COL4A4: variants seen among roughly 807,000 people sequenced by gnomAD.
COL4A4 encodes the protein collagen type IV alpha 4 chain, also known as collagen alpha-4(IV) chain.
COL4A4 carries 105 observed loss-of-function variants against 192.9 expected under a neutral mutation model. The ratio of observed to expected loss-of-function variants is 0.54; its 90% CI spans 0.46 to 0.64. The LOEUF (loss-of-function observed/expected upper bound fraction) is 0.64. COL4A4 is among the 30% of genes least tolerant of loss of function. The pLI is 0.00. For synonymous variants in COL4A4, 762 were observed against 769.9 expected, an observed-to-expected ratio of 0.99 and a Z score of 0.17; for missense variants, 1,967 against 2,169.3, an observed-to-expected ratio of 0.91 and a Z score of 1.85.
In COL4A4 at chr2:227,108,624, TGAGA is replaced by T; in HGVS notation, c.694-6_694-3del. The T allele has an allele frequency of 6.2e-7, 1 of 1,614,012 alleles. No individual in the cohort carries two copies. The highest frequency in any genetic ancestry group is 8.5e-7 in the Non-Finnish European group (1 of 1,179,904). On this transcript the variant is annotated splice_region_variant and splice_polypyrimidine_tract_variant and intron_variant, in intron 11 of 47. Transcript: ENST00000396625. ...CTTTACTCCCACACCGGGATTTCCC[TGAGA>T]AAGAAATGAAAAAGAATCTAATTGC... is the stretch of plus-strand genomic sequence containing the variant.
chr2:227,066,858 A>C (rs566522009), intron 25 of COL4A4, among the ~76,000 whole-genome samples: 2 of 152,148 alleles, frequency 1.3e-5, no homozygotes. Flanking sequence ...TCAAATTCAA[A>C]CATAACAATA....
chr2:227,104,667 T>C (rs559448377), intron 12 of COL4A4, among the ~76,000 whole-genome samples: 2 of 135,114 alleles, frequency 1.5e-5, no homozygotes, highest in East Asian at 4.2e-4. Context: ...TGAGATGGAG[T>C]TTCACTCTTG....
the COL4A4 span, among the ~76,000 whole-genome samples, chr2:226,980,175 A>G: frequency 6.6e-6 from 1 of 152,180 alleles, no homozygotes; most frequent in Non-Finnish European, 1.5e-5. Flanking sequence ...CTCAGAACAC[A>G]CCCATGAGCT....
At chr2:227,043,210 G>C (rs773698501) in intron 35 of COL4A4, 26 bp from the exon 36 acceptor site, 2 of 1,576,520 alleles carry the variant, frequency 1.3e-6, no homozygotes, top group African/African-American at 2.7e-5. Context: ...TCAAACATCA[G>C]AGTTGCCGTT....
At chr2:227,119,365 C>A (rs899549537) in intron 6 of COL4A4, among the ~76,000 whole-genome samples, 2 of 150,724 alleles carry the variant, frequency 1.3e-5, no homozygotes, top group African/African-American at 4.9e-5. Context: ...ATATACCATG[C>A]ACCATAACAT....
intron 4 of COL4A4, among the ~76,000 whole-genome samples, chr2:227,127,924 A>T (rs2062185091): frequency 6.6e-6 from 1 of 152,208 alleles, no homozygotes; most frequent in Non-Finnish European, 1.5e-5. Context: ...AATTATACAG[A>T]TTTTCCAAAT....
rs2060739279 is a variant in COL4A4 at position 227,104,849 on chromosome 2, C to A, written c.736-797G>T. Among the ~76,000 whole-genome samples, 4 of 151,476 alleles carry A rather than the reference C, an allele frequency of 2.6e-5. No individual in the cohort carries two copies. In the South Asian group the frequency reaches 6.2e-4, roughly 24 times the overall value. On this transcript the variant is annotated intron_variant, in intron 12 of 47. Transcript: ENST00000396625. ...GAGACGGGGGTTTCTCCATGTTGGT[C>A]AGGCTGGTCTCGAACTCCGGACCTC...
chr2:227,038,772 CTTAG>C (rs1207776372), intron 37 of COL4A4, among the ~76,000 whole-genome samples: 3 of 152,356 alleles, frequency 2.0e-5, no homozygotes, highest in Admixed American at 6.5e-5. Flanking sequence ...GTCCCCTTGA[CTTAG>C]TTAGAACATA....
chr2:227,070,612 C>T (rs978442925), intron 25 of COL4A4, among the ~76,000 whole-genome samples: 5 of 150,970 alleles, frequency 3.3e-5, no homozygotes, highest in African/African-American at 1.2e-4. Flanking sequence ...AGTAAACTAT[C>T]GCAAGAACAA....
rs148516411 is a variant in COL4A4, at chr2:227,041,705, A to G, written c.3505+443T>C. ...AAGAAAGACAGAGAGAGAGAGAGAGAAGGAAGGAAGGGAGGAGGAAGGAAG... is the reference window on the plus strand; with the variant it reads ...AAGAAAGACAGAGAGAGAGAGAGAGGAGGAAGGAAGGGAGGAGGAAGGAAG... On this transcript the variant is annotated intron_variant, in intron 37 of 47. Coordinates refer to ENST00000396625, the MANE Select transcript of COL4A4 (RefSeq NM_000092.5). Among the ~76,000 whole-genome samples, 701 of 130,888 alleles carry G rather than the reference A, an allele frequency of 5.4e-3. 21 individuals carry two copies. Among genetic ancestry groups the G allele is most frequent in the African/African-American group, 0.022 (664 of 30,440 alleles). 85.9% of individuals were successfully genotyped at this position (130,888 alleles called of 152,430 possible). A position where few individuals can be genotyped will look rare whatever the true frequency, so the allele number is the denominator to read the frequency against.
chr2:227,161,911 C>T (rs2064865776), intron 1 of COL4A4, among the ~76,000 whole-genome samples: 1 of 151,616 alleles, frequency 6.6e-6, no homozygotes, highest in Non-Finnish European at 1.5e-5. Flanking sequence ...CATTTCTCAT[C>T]AGGGCCACCT....
intron 26 of COL4A4, among the ~76,000 whole-genome samples, chr2:227,061,210 G>T (rs183987699): frequency 2.5e-4 from 38 of 152,256 alleles, no homozygotes; most frequent in Non-Finnish European, 4.9e-4. Context: ...ACCAGTAAAA[G>T]TAAAAATGAA....
intron 35 of COL4A4, among the ~76,000 whole-genome samples, chr2:227,046,120 T>A (rs1047565381): frequency 1.6e-5 from 2 of 128,062 alleles, no homozygotes; most frequent in Admixed American, 8.1e-5. Context: ...AATATATTTG[T>A]TCATGTCAGA....
intron 22 of COL4A4, among the ~76,000 whole-genome samples, chr2:227,088,356 T>C (rs904540167): frequency 9.2e-5 from 14 of 152,092 alleles, no homozygotes; most frequent in African/African-American, 7.2e-5. Flanking sequence ...TGGGGAGGGT[T>C]TCCCCCATGC....
chr2:227,081,307 GGAA>G (rs1203316619), intron 23 of COL4A4, among the ~76,000 whole-genome samples: 1 of 152,206 alleles, frequency 6.6e-6, no homozygotes, highest in African/African-American at 2.4e-5. Flanking sequence ...CAAAGCAGGT[GGAA>G]GAAGGTGGGA....
At chr2:227,023,009 C>CTGACTGTA (rs1305725363) in intron 43 of COL4A4, among the ~76,000 whole-genome samples, 5 of 152,172 alleles carry the variant, frequency 3.3e-5, no homozygotes, top group Non-Finnish European at 7.3e-5. Context: ...AGCTATAATT[C>CTGACTGTA]TGACTGTAGC....
intron 13 of COL4A4, among the ~76,000 whole-genome samples, 199 bp from the exon 14 acceptor site, chr2:227,103,396 T>C (rs1423366536): frequency 6.6e-6 from 1 of 152,202 alleles, no homozygotes; most frequent in East Asian, 1.9e-4. Flanking sequence ...GAGAGGTATA[T>C]GGGATACCAC....
rs967132805 is a variant in COL4A4, at chr2:227,006,069, A to C, written c.*1256T>G. ...ATAAGAATGTCTTTAAAATTGGCAA[A>C]ATGGGATGCTCCTGTAACAGCCAAC... On this transcript the variant is annotated 3_prime_UTR_variant, in exon 48 of 48. Coordinates refer to ENST00000396625, the MANE Select transcript of COL4A4 (RefSeq NM_000092.5). 2 of 152,646 alleles carry C rather than the reference A, an allele frequency of 1.3e-5. No homozygotes were observed. Among genetic ancestry groups the C allele is most frequent in the African/African-American group, 4.8e-5 (2 of 41,452 alleles). 9.5% of individuals were successfully genotyped at this position (152,646 alleles called of 1,614,324 possible). A position where few individuals can be genotyped will look rare whatever the true frequency, so the allele number is the denominator to read the frequency against.
At position 227,123,672 on chromosome 2, in the gene COL4A4, G is replaced by A. The variant is rs2125069088; in HGVS notation, c.193-2524C>T. ...GAGTGCCTGCCAACTGTGCCTCCGG[G>A]GCTTTGGATAAAGCCCTGACAGACA... On this transcript the variant is annotated intron_variant, in intron 4 of 47. Coordinates refer to ENST00000396625, the MANE Select transcript of COL4A4 (RefSeq NM_000092.5). This position sits in a 1 kb window ranked among gnomAD's most constrained non-coding sequence, Gnocchi z 4.6. Among the ~76,000 whole-genome samples the A allele has an allele frequency of 6.6e-6, 1 of 152,270 alleles. No homozygotes were observed. The highest frequency in any genetic ancestry group is 1.5e-5 in the Non-Finnish European group (1 of 68,018).
Sources: gnomAD v4.1 joint callset for allele counts (sites outside exome capture counted in the v4.1 genomes callset) on GRCh38, gnomAD v4.1.1 for gene constraint, Gnocchi (gnomAD v3.1) non-coding constraint, MANE v1.5 for transcripts, NCBI Gene and HGNC (gene_info 2026-07-23, HGNC 2026-07-21) for gene names.